GARNL3: variants seen among roughly 807,000 people sequenced by gnomAD.
The protein encoded by GARNL3 is GTPase-activating Rap/Ran-GAP domain-like protein 3.
GARNL3 carries 63 observed loss-of-function variants against 125.0 expected under a neutral mutation model. The ratio of observed to expected loss-of-function variants is 0.50; its 90% confidence interval spans 0.41 to 0.62. The LOEUF is 0.62. Ranked by LOEUF, GARNL3 falls within the 20% of genes least tolerant of loss-of-function variation. The probability of loss-of-function intolerance (pLI) is 0.00; values close to 1 mark genes in which losing one functional copy is unlikely to be tolerated. For missense variants in GARNL3, 994 were observed against 1,244.0 expected (o/e 0.80, Z 3.02); for synonymous variants, 439 against 457.5 (o/e 0.96, Z 0.52).
chr9:127,260,512 A>G (rs534277207), upstream of GARNL3, among the ~76,000 whole-genome samples: 12 of 152,334 alleles, frequency 7.9e-5, no homozygotes, highest in Middle Eastern at 3.4e-3. Context: ...CCTAAAACCA[A>G]CAGTAGGGAT....
intron 22 of GARNL3, among the ~76,000 whole-genome samples, chr9:127,380,476 A>G (rs1397625435): frequency 6.6e-6 from 1 of 152,234 alleles, no homozygotes; most frequent in Non-Finnish European, 1.5e-5. Flanking sequence ...ATGTCCATGC[A>G]GACTTGTACA....
At chr9:127,328,330 C>G (rs1450174727) in intron 7 of GARNL3, among the ~76,000 whole-genome samples, 1 of 152,174 alleles carries the variant, frequency 6.6e-6, no homozygotes, top group Non-Finnish European at 1.5e-5. Flanking sequence ...TGGCGAGGCA[C>G]TCTATTTAAT....
At chr9:127,345,562 G>C (rs1830092789) in intron 16 of GARNL3, 85 bp downstream of exon 16, 2 of 903,540 alleles carry the variant, frequency 2.2e-6, no homozygotes, top group Non-Finnish European at 3.4e-6. Flanking sequence ...AAAGGTTTGA[G>C]AGCAGAAGGA....
intron 1 of GARNL3, among the ~76,000 whole-genome samples, chr9:127,278,637 G>A (rs1328515457): frequency 6.6e-6 from 1 of 152,190 alleles, no homozygotes; most frequent in African/African-American, 2.4e-5. Context: ...CTGTTATCGT[G>A]TTAGTTTCCT....
intron 2 of GARNL3, among the ~76,000 whole-genome samples, chr9:127,307,057 A>C (rs747211868): frequency 1.3e-5 from 2 of 152,052 alleles, no homozygotes; most frequent in East Asian, 3.9e-4. Context: ...TTTTGTCGGC[A>C]TGGTTACCAG....
intron 2 of GARNL3, among the ~76,000 whole-genome samples, chr9:127,310,037 T>G (rs1320679893): frequency 1.3e-5 from 2 of 152,238 alleles, no homozygotes; most frequent in Non-Finnish European, 2.9e-5. Flanking sequence ...AAACAGTAAT[T>G]TAATGCCTTA....
intron 13 of GARNL3, 101 bp downstream of exon 13, chr9:127,339,852 G>A (rs1296497842): frequency 2.0e-5 from 16 of 806,162 alleles, no homozygotes; most frequent in Non-Finnish European, 2.9e-5. Context: ...CATTGTTTAA[G>A]CATTCCATGT....
chr9:127,321,081 G>A (rs1346290903), intron 6 of GARNL3, among the ~76,000 whole-genome samples: 1 of 152,116 alleles, frequency 6.6e-6, no homozygotes, highest in African/African-American at 2.4e-5. Context: ...AATCTTATTG[G>A]CTTAAAAGCT....
intron 2 of GARNL3, among the ~76,000 whole-genome samples, chr9:127,308,950 C>T (rs1448714238): frequency 6.6e-6 from 1 of 152,112 alleles, no homozygotes; most frequent in Non-Finnish European, 1.5e-5. Context: ...GTAGGTAAAT[C>T]TGGTAAGTAA....
intron 2 of GARNL3, among the ~76,000 whole-genome samples, chr9:127,294,634 T>G (rs2064530193): frequency 6.6e-6 from 1 of 152,226 alleles, no homozygotes; most frequent in South Asian, 2.1e-4. Context: ...TTTTAATATT[T>G]TTCTAGTACT....
chr9:127,292,211 C>A (rs891520943), intron 2 of GARNL3, among the ~76,000 whole-genome samples: 2 of 152,190 alleles, frequency 1.3e-5, no homozygotes, highest in African/African-American at 4.8e-5. Context: ...TTTACCTGAC[C>A]CTTGCCATTG....
intron 4 of GARNL3, among the ~76,000 whole-genome samples, chr9:127,317,442 C>A (rs2131496319): frequency 6.6e-6 from 1 of 152,194 alleles, no homozygotes; most frequent in Middle Eastern, 3.4e-3. Context: ...ACCAAATTCC[C>A]AGCCGGGCGT....
At chr9:127,273,955 G>GATTT (rs2063889143) in intron 1 of GARNL3, among the ~76,000 whole-genome samples, 1 of 151,922 alleles carries the variant, frequency 6.6e-6, no homozygotes, top group Admixed American at 6.6e-5. Context: ...TTATTCTCTT[G>GATTT]TTTTCAGTTT....
chr9:127,315,444 C>G (rs1054857321), intron 4 of GARNL3, among the ~76,000 whole-genome samples: 16 of 152,016 alleles, frequency 1.1e-4, no homozygotes, highest in Non-Finnish European at 1.3e-4. Context: ...CAAGACCAGC[C>G]TGGGCAACAT....
chr9:127,231,524 G>A (rs186613980), intron 1 of GARNL3, among the ~76,000 whole-genome samples: 92 of 152,224 alleles, frequency 6.0e-4, no homozygotes, highest in Admixed American at 2.2e-3. Context: ...CCACATATGA[G>A]CTACCACATT....
intron 22 of GARNL3, among the ~76,000 whole-genome samples, chr9:127,375,486 AAAG>A (rs1261944942): frequency 2.0e-5 from 3 of 151,894 alleles, no homozygotes; most frequent in African/African-American, 4.8e-5. Flanking sequence ...AAAAAAAAGA[AAAG>A]AAAGAAATGA....
intron 10 of GARNL3, among the ~76,000 whole-genome samples, chr9:127,335,803 A>T (rs910485074): frequency 3.3e-5 from 5 of 152,172 alleles, no homozygotes; most frequent in African/African-American, 1.2e-4. Context: ...GTCCTGTGTG[A>T]TGGTTGACAA....
At chr9:127,268,659 A>G (rs1371257967) in intron 1 of GARNL3, among the ~76,000 whole-genome samples, 2 of 152,210 alleles carry the variant, frequency 1.3e-5, no homozygotes, top group Non-Finnish European at 2.9e-5. Flanking sequence ...CATCACTGCT[A>G]TACACTTTCA....
In GARNL3 at chr9:127,385,558, A is replaced by G. The variant is rs927646502; in HGVS notation, c.2388+413A>G. Among the ~76,000 whole-genome samples the G allele has an allele frequency of 6.6e-6, 1 of 152,188 alleles. No individual in the cohort carries two copies. Among genetic ancestry groups the G allele is most frequent in the Non-Finnish European group, 1.5e-5 (1 of 68,038 alleles). ...ATTCTTAGCCTATGAAACATGGCTA[A>G]TTGATTAATCCCTGCCTCATAACCC... is the stretch of plus-strand genomic sequence containing the variant. On this transcript the variant is annotated intron_variant, in intron 24 of 27. Transcript: ENST00000373387. The surrounding 1 kb of genome is among the most constrained non-coding windows in gnomAD (Gnocchi z 4.1).
Sources: gnomAD v4.1 joint callset for allele counts (sites outside exome capture counted in the v4.1 genomes callset) on GRCh38, gnomAD v4.1.1 for gene constraint, Gnocchi (gnomAD v3.1) non-coding constraint, MANE v1.5 for transcripts, NCBI Gene and HGNC (gene_info 2026-07-23, HGNC 2026-07-21) for gene names.